Variants in EXOC6B observed in about 807,000 individuals in gnomAD.
The protein encoded by EXOC6B is exocyst complex component 6B.
In EXOC6B, 54 loss-of-function variants were observed where a neutral mutation model predicts 113.5. That is an observed-to-expected ratio of 0.48 (90% CI 0.38 to 0.60). The LOEUF is 0.60. EXOC6B is among the 20% of genes least tolerant of loss of function. EXOC6B has a pLI of 0.00. For missense variants in EXOC6B, 797 were observed against 977.5 expected (o/e 0.82, Z 2.46); for synonymous variants, 357 against 339.0 (o/e 1.05, Z -0.58).
Position 72,559,512 on chromosome 2 carries a change from C to T in EXOC6B, c.856G>A (p.Ala286Thr). Residue 286 changes from alanine to threonine, a missense_variant, in exon 8 of 22, where the codon GCC (alanine) becomes ACC (threonine). By Grantham distance (58) the Ala-to-Thr change is moderately conservative. Transcript: ENST00000272427. ...DEEDDEEVPG[A>T]QDLVDFSPVY... is the part of the protein sequence containing the mutation. ...GGAGAGAAATCCACCAAATCTTGGG[C>T]CCCAGGTACCTGCAAACACAAGATT... 1 of 1,612,074 alleles carries T rather than the reference C, an allele frequency of 6.2e-7. No individual in the cohort carries two copies. Among genetic ancestry groups the T allele is most frequent in the South Asian group, 1.1e-5 (1 of 90,796 alleles).
At chr2:72,593,525 G>A (rs1293406959) in intron 6 of EXOC6B, among the ~76,000 whole-genome samples, 1 of 152,024 alleles carries the variant, frequency 6.6e-6, no homozygotes, top group Non-Finnish European at 1.5e-5. Context: ...ACCATTTGCT[G>A]TCAGAAGTGT....
chr2:72,537,935 G>A (rs895747394), intron 8 of EXOC6B, among the ~76,000 whole-genome samples: 11 of 150,048 alleles, frequency 7.3e-5, no homozygotes, highest in Admixed American at 3.3e-4. Context: ...ATTCTTTTAC[G>A]AAAATGTTAA....
At chr2:72,328,650 A>G (rs1355761774) in intron 20 of EXOC6B, among the ~76,000 whole-genome samples, 2 of 152,092 alleles carry the variant, frequency 1.3e-5, no homozygotes, top group Non-Finnish European at 1.5e-5. Context: ...CTATGTCAAG[A>G]TCTGAAATAT....
In EXOC6B at chr2:72,397,513, G is replaced by A. The variant is rs913425179; in HGVS notation, c.1981-17643C>T. On this transcript the variant is annotated intron_variant, in intron 18 of 21. Coordinates refer to ENST00000272427, the MANE Select transcript of EXOC6B (RefSeq NM_015189.3). ...CATGCGTCTATAGTCCCAGCTACTC[G>A]GGAGGCTGAGGCAGGAGAATCGCTT... Among the ~76,000 whole-genome samples the A allele has an allele frequency of 6.6e-5, 10 of 151,258 alleles. No homozygotes were observed. In the East Asian group the frequency reaches 9.7e-4, roughly 15 times the overall value.
intron 8 of EXOC6B, among the ~76,000 whole-genome samples, chr2:72,538,509 C>T (rs1009851139): frequency 6.6e-6 from 1 of 152,058 alleles, no homozygotes. Flanking sequence ...TAATATTTTA[C>T]ATTCCTTTTT....
chr2:72,611,091 G>A (rs1671044161), intron 6 of EXOC6B, among the ~76,000 whole-genome samples: 1 of 152,126 alleles, frequency 6.6e-6, no homozygotes, highest in Non-Finnish European at 1.5e-5. Context: ...GGCCAGGTGT[G>A]GTGGCTCACA....
rs140747532 is a variant in EXOC6B at position 72,323,824 on chromosome 2, A to G, written c.2196+11123T>C. On this transcript the variant is annotated intron_variant, in intron 20 of 21. Coordinates refer to ENST00000272427, the MANE Select transcript of EXOC6B (RefSeq NM_015189.3). ...CATAGGGAGGGGAACATCACACACC[A>G]GGGCCTGTTGGGGGTGGGGGGCTAG... is the stretch of plus-strand genomic sequence containing the variant. 8.5e-3 allele frequency among the ~76,000 whole-genome samples: 1,030 copies of G among 121,268 alleles called. 13 individuals are homozygous for G. The highest frequency in any genetic ancestry group is 0.03 in the African/African-American group (932 of 31,542). The allele number at this position is 121,268 out of a possible 152,430, so 79.6% of individuals were successfully genotyped here. A position where few individuals can be genotyped will look rare whatever the true frequency, so the allele number is the denominator to read the frequency against.
rs1699027690 is a variant in EXOC6B, at chr2:72,480,671, T to G, written c.1745A>C (p.Asn582Thr). Residue 582 changes from asparagine to threonine, a missense_variant, in exon 17 of 22, where the codon AAT becomes ACT. Transcript: ENST00000272427. ...AGTGTGAACTGTCTCTGGAAGCACA[T>G]TAGTGATGTTGGTGATAAATTCTTC... ...YLEEFITNIT[N>T]VLPETVHTTK... is the part of the protein sequence containing the mutation. 1.3e-6 allele frequency: 2 copies of G among 1,591,834 alleles called. No individual in the cohort carries two copies. Among genetic ancestry groups the G allele is most frequent in the Admixed American group, 3.5e-5 (2 of 56,816 alleles).
In EXOC6B at chr2:72,751,282, T is replaced by C. The variant is rs1383325387; in HGVS notation, c.114-9813A>G. Among the ~76,000 whole-genome samples the C allele has an allele frequency of 5.3e-5, 8 of 152,278 alleles. No individual in the cohort carries two copies. The South Asian group carries it at 1.0e-3, about 20-fold the overall frequency. ...ATGTAAGATTTAGATTGGTATGATC[T>C]GGAAGGGCAGGACAATTTGAAGTGG... On this transcript the variant is annotated intron_variant, in intron 1 of 21. Transcript: ENST00000272427.
At chr2:72,346,279 G>A (rs912810886) in intron 19 of EXOC6B, among the ~76,000 whole-genome samples, 2 of 152,086 alleles carry the variant, frequency 1.3e-5, no homozygotes, top group Admixed American at 6.6e-5. Flanking sequence ...CCACAAGCAC[G>A]AAGAGTCCTT....
At position 72,674,700 on chromosome 2, in the gene EXOC6B, A is replaced by G. The variant is rs530610095; in HGVS notation, c.669+43403T>C. Among the ~76,000 whole-genome samples, 23 of 152,038 alleles carry G rather than the reference A, an allele frequency of 1.5e-4. 2 individuals are homozygous for G. The highest frequency in any genetic ancestry group is 4.6e-4 in the African/African-American group (19 of 41,478). On this transcript the variant is annotated intron_variant, in intron 6 of 21. Transcript: ENST00000272427. ...CAAAAAATTAGCCGGGCGTGGTGGC[A>G]GGCTCCTGTAGTCCCAGCTACTCAG...
chr2:72,464,854 C>T (rs967463492), intron 18 of EXOC6B: 1 of 343,204 alleles, frequency 2.9e-6, no homozygotes, highest in Non-Finnish European at 5.2e-6. Context: ...GAAATTCTAA[C>T]TAAGTTTCTT....
At chr2:72,577,150 C>T (rs937716312) in intron 6 of EXOC6B, among the ~76,000 whole-genome samples, 1 of 152,026 alleles carries the variant, frequency 6.6e-6, no homozygotes, top group Non-Finnish European at 1.5e-5. Context: ...TGCATATCAG[C>T]CATTGATATT....
At chr2:72,480,039 C>T (rs1698984142) in intron 17 of EXOC6B, among the ~76,000 whole-genome samples, 1 of 151,894 alleles carries the variant, frequency 6.6e-6, no homozygotes, top group African/African-American at 2.4e-5. Context: ...CCCGTCTCTA[C>T]TAAAAATACT....
intron 18 of EXOC6B, among the ~76,000 whole-genome samples, chr2:72,435,076 G>A (rs1479346954): frequency 1.3e-5 from 2 of 152,044 alleles, no homozygotes; most frequent in East Asian, 1.9e-4. Context: ...CACTGCTTTG[G>A]CTGTGTCCCA....
At chr2:72,819,231 TATA>T (rs1426738163) in intron 1 of EXOC6B, among the ~76,000 whole-genome samples, 1 of 152,154 alleles carries the variant, frequency 6.6e-6, no homozygotes, top group African/African-American at 2.4e-5. Context: ...TAATATTTAA[TATA>T]ATAACATGCA....
At chr2:72,663,155 A>T (rs1675142908) in intron 6 of EXOC6B, among the ~76,000 whole-genome samples, 1 of 152,242 alleles carries the variant, frequency 6.6e-6, no homozygotes, top group African/African-American at 2.4e-5. Flanking sequence ...TTCTATAAAC[A>T]ACTTGTAATA....
intron 19 of EXOC6B, among the ~76,000 whole-genome samples, chr2:72,374,055 G>A (rs1025346104): frequency 1.3e-5 from 2 of 152,082 alleles, no homozygotes; most frequent in Admixed American, 6.6e-5. Context: ...CGCCTCCAGA[G>A]TGAGACCCTG....
rs200678276 is a variant in EXOC6B at position 72,825,784 on chromosome 2, G to C, written c.113+14C>G. On this transcript the variant is annotated intron_variant, in intron 1 of 21. Transcript: ENST00000272427. This position sits in a 1 kb window ranked among gnomAD's most constrained non-coding sequence, Gnocchi z 4.4. ...CCCGTTCCCGCCCCTCTGTGGTCCC[G>C]GCACCCGGGGTACCTGAGCGTGGGC... 956 of 1,374,830 alleles carry C rather than the reference G, an allele frequency of 7.0e-4. No homozygotes were observed. Among genetic ancestry groups the C allele is most frequent in the Non-Finnish European group, 9.0e-4 (903 of 1,008,636 alleles). 85.2% of individuals were successfully genotyped at this position (1,374,830 alleles called of 1,614,324 possible).
Sources: allele counts gnomAD v4.1 joint callset (sites outside exome capture counted in the v4.1 genomes callset), GRCh38; gene constraint gnomAD v4.1.1; non-coding constraint Gnocchi (gnomAD v3.1); transcripts MANE v1.5; gene names NCBI Gene and HGNC (gene_info 2026-07-23, HGNC 2026-07-21).